BNIP2: variants seen among roughly 807,000 people sequenced by gnomAD.
BNIP2 encodes BCL2 interacting protein 2, also known as BCL2/adenovirus E1B 19 kDa protein-interacting protein 2.
BNIP2 carries 36 observed loss-of-function variants against 43.4 expected under a neutral mutation model. The ratio of observed to expected loss-of-function variants is 0.83; its 90% confidence interval spans 0.64 to 1.10. The LOEUF is 1.10. Among genes scored for constraint, BNIP2 ranks in the 50% least tolerant of loss-of-function variants. BNIP2 has a pLI of 0.00. For missense variants in BNIP2, 417 were observed against 374.1 expected (o/e 1.11, Z -0.95); for synonymous variants, 146 against 121.0 (o/e 1.21, Z -1.35).
Position 59,662,934 on chromosome 15 carries a change from A to G in BNIP2, c.*1135T>C, listed in dbSNP as rs1382981351. On this transcript the variant is annotated 3_prime_UTR_variant, in exon 10 of 10. Transcript: ENST00000607373. ...TGAAACAGTTTAAATGCTTGTAACA[A>G]ACGTGTTATCCAAAACAGCACAATA... 6.6e-6 allele frequency: 1 copy of G among 152,382 alleles called. No homozygotes were observed. The highest frequency in any genetic ancestry group is 1.5e-5 in the Non-Finnish European group (1 of 68,040). 9.4% of individuals were successfully genotyped at this position (152,382 alleles called of 1,614,324 possible). A position where few individuals can be genotyped will look rare whatever the true frequency, so the allele number is the denominator to read the frequency against.
At chr15:59,664,914 A>G (rs1892476367) in intron 9 of BNIP2, among the ~76,000 whole-genome samples, 1 of 152,232 alleles carries the variant, frequency 6.6e-6, no homozygotes, top group South Asian at 2.1e-4. Flanking sequence ...TCCAAAACTT[A>G]TTGGTACACA....
At chr15:59,683,457 CTTTTT>C (rs1359364853) in intron 1 of BNIP2, among the ~76,000 whole-genome samples, 2 of 152,296 alleles carry the variant, frequency 1.3e-5, no homozygotes, top group African/African-American at 2.4e-5. Context: ...CTTTTCTTTT[CTTTTT>C]GCAGTAACAT....
chr15:59,678,572 T>C (rs1893458095), intron 4 of BNIP2: 1 of 1,113,468 alleles, frequency 9.0e-7, no homozygotes. Context: ...TGATCAGTTT[T>C]ATAAAGCAGA....
intron 7 of BNIP2, among the ~76,000 whole-genome samples, chr15:59,670,349 T>C (rs1371119463): frequency 2.0e-5 from 3 of 152,210 alleles, no homozygotes; most frequent in African/African-American, 7.2e-5. Context: ...CAGAATAACC[T>C]GAGCTTGGGA....
Position 59,669,350 on chromosome 15 carries a change from AT to A in BNIP2, c.719del (p.Asn240IlefsTer2). The A allele has an allele frequency of 1.3e-6, 2 of 1,525,876 alleles. No homozygotes were observed. The highest frequency in any genetic ancestry group is 1.8e-6 in the Non-Finnish European group (2 of 1,141,794). The allele number at this position is 1,525,876 out of a possible 1,614,324, so 94.5% of individuals were successfully genotyped here. A position where few individuals can be genotyped will look rare whatever the true frequency, so the allele number is the denominator to read the frequency against. On this transcript the variant is annotated frameshift_variant, in exon 8 of 10. Coordinates refer to ENST00000607373, the MANE Select transcript of BNIP2 (RefSeq NM_004330.4). LOFTEE classifies it high-confidence loss of function. ...YQQIDRRLRK[N>X]LKSLIIVHPS... is the part of the protein sequence containing the mutation. ...GATGTACAATGATTAGGGATTTTAG[AT>A]TTTTCCGTAACCTGGAGTTTAAAAA...
Position 59,663,801 on chromosome 15 carries a change from T to TTTA in BNIP2, c.*265_*267dup. 1 of 283,292 alleles carries TTTA rather than the reference T, an allele frequency of 3.5e-6. No individual in the cohort carries two copies. The highest frequency in any genetic ancestry group is 6.5e-6 in the Non-Finnish European group (1 of 154,650). The allele number at this position is 283,292 out of a possible 1,614,324, so 17.5% of individuals were successfully genotyped here. On this transcript the variant is annotated 3_prime_UTR_variant, in exon 10 of 10. Transcript: ENST00000607373. ...TTCAATAAACAAATGCAAAAACTACTTTATATAAAGTGTGGTTCTCTATTT... is the reference window on the plus strand; with the variant it reads ...TTCAATAAACAAATGCAAAAACTACTTTATTATATAAAGTGTGGTTCTCTATTT...
At position 59,660,877 on chromosome 15, in the gene BNIP2, G is replaced by A. The variant is rs1357010867; in HGVS notation, c.*3192C>T. ...CTGCTCGAACTTGCTTCTGTATGAA[G>A]AGACAAAGAAAGAGAAAATATGAAT... On this transcript the variant is annotated 3_prime_UTR_variant, in exon 10 of 10. Coordinates refer to ENST00000607373, the MANE Select transcript of BNIP2 (RefSeq NM_004330.4). 1 of 152,186 alleles carries A rather than the reference G, an allele frequency of 6.6e-6. No individual in the cohort carries two copies. The highest frequency in any genetic ancestry group is 1.5e-5 in the Non-Finnish European group (1 of 68,030). The allele number at this position is 152,186 out of a possible 1,614,324, so 9.4% of individuals were successfully genotyped here.
intron 2 of BNIP2, among the ~76,000 whole-genome samples, chr15:59,682,086 T>C (rs1893714951): frequency 1.3e-5 from 2 of 152,100 alleles, no homozygotes; most frequent in African/African-American, 4.8e-5. Context: ...CCCAGCACTT[T>C]GGGAGGCCAA....
At chr15:59,666,043 A>G (rs564930583) in intron 9 of BNIP2, among the ~76,000 whole-genome samples, 2 of 150,344 alleles carry the variant, frequency 1.3e-5, no homozygotes, top group Admixed American at 6.7e-5. Context: ...CTTACCAACT[A>G]ATTTCATAAT....
chr15:59,675,152 G>C (rs1188692585), intron 5 of BNIP2, among the ~76,000 whole-genome samples: 1 of 151,924 alleles, frequency 6.6e-6, no homozygotes. Context: ...GGGAGGCTGA[G>C]GCTGGCGTAT....
At chr15:59,665,004 G>A (rs759656308) in intron 9 of BNIP2, among the ~76,000 whole-genome samples, 3 of 152,158 alleles carry the variant, frequency 2.0e-5, no homozygotes, top group Non-Finnish European at 4.4e-5. Flanking sequence ...CGTGGCTCAC[G>A]CCTGTAATCC....
chr15:59,679,347 C>A, intron 4 of BNIP2: 1 of 340,200 alleles, frequency 2.9e-6, no homozygotes, highest in Non-Finnish European at 5.3e-6. Context: ...AAGAGCATGC[C>A]ATAATTATCA....
At chr15:59,676,766 G>A in intron 5 of BNIP2, 9 of 1,473,954 alleles carry the variant, frequency 6.1e-6, no homozygotes, top group South Asian at 1.2e-5. Context: ...CATGGAGGAT[G>A]AGCGGAGCTT....
chr15:59,677,019 A>G (rs1210226667), intron 5 of BNIP2: 54 of 1,612,418 alleles, frequency 3.3e-5, no homozygotes, highest in Non-Finnish European at 4.6e-5. Context: ...ATTGATCAGG[A>G]GACTGTTAAT....
In BNIP2 at chr15:59,687,609, G is replaced by A. The variant is rs1257828444; in HGVS notation, c.-58+1526C>T. On this transcript the variant is annotated intron_variant, in intron 1 of 9. Coordinates refer to ENST00000607373, the MANE Select transcript of BNIP2 (RefSeq NM_004330.4). ...TATCATTTTTTGCTCCTGACCTCAGGTGATCCGCCCACCTTGGCCACCCAA... is the reference window on the plus strand; with the variant it reads ...TATCATTTTTTGCTCCTGACCTCAGATGATCCGCCCACCTTGGCCACCCAA... Among the ~76,000 whole-genome samples the A allele has an allele frequency of 3.3e-5, 5 of 152,090 alleles. No individual in the cohort carries two copies. In the South Asian group the frequency reaches 6.2e-4, roughly 19 times the overall value.
At chr15:59,687,320 C>T (rs1894083605) in intron 1 of BNIP2, among the ~76,000 whole-genome samples, 1 of 149,860 alleles carries the variant, frequency 6.7e-6, no homozygotes, top group Non-Finnish European at 1.5e-5. Flanking sequence ...TGTAAACTTA[C>T]TTCATAGGAT....
At chr15:59,674,950 T>C (rs1893175008) in intron 5 of BNIP2, among the ~76,000 whole-genome samples, 1 of 152,182 alleles carries the variant, frequency 6.6e-6, no homozygotes, top group Non-Finnish European at 1.5e-5. Flanking sequence ...GAACTAGTTC[T>C]CTATTAAAAA....
chr15:59,664,042 C>T lies in BNIP2; in HGVS notation c.*27G>A. 1 of 1,515,462 alleles carries T rather than the reference C, an allele frequency of 6.6e-7. No individual in the cohort carries two copies. The highest frequency in any genetic ancestry group is 8.9e-7 in the Non-Finnish European group (1 of 1,124,096). The allele number at this position is 1,515,462 out of a possible 1,614,324, so 93.9% of individuals were successfully genotyped here. On this transcript the variant is annotated 3_prime_UTR_variant, in exon 10 of 10. Transcript: ENST00000607373. ...AGCACTGCTCCATCAGCACATTCTT[C>T]AGTCTTGTTTGGACTAGATGCCAAA...
At chr15:59,677,837 A>G in intron 5 of BNIP2, 74 bp downstream of exon 5, 2 of 1,506,344 alleles carry the variant, frequency 1.3e-6, no homozygotes, top group Non-Finnish European at 1.8e-6. Context: ...CTCTTAATAA[A>G]CAGATATCCT....
Sources: allele counts gnomAD v4.1 joint callset (sites outside exome capture counted in the v4.1 genomes callset), GRCh38; gene constraint gnomAD v4.1.1; transcripts MANE v1.5; gene names NCBI Gene and HGNC (gene_info 2026-07-23, HGNC 2026-07-21).